The following PRDM5 variants were observed in gnomAD, a reference collection of about 807,000 sequenced individuals.
PRDM5 encodes PR/SET domain 5, also known as PR domain zinc finger protein 5.
A neutral mutation model predicts 81.2 loss-of-function variants in PRDM5; 56 were observed. The ratio of observed to expected loss-of-function variants is 0.69; its 90% confidence interval spans 0.56 to 0.86. PRDM5 has a LOEUF of 0.86. Among genes scored for constraint, PRDM5 ranks in the 40% least tolerant of loss-of-function variants. PRDM5 has a pLI of 0.00. For missense variants in PRDM5, 697 were observed against 770.1 expected (o/e 0.91, Z 1.12); for synonymous variants, 267 against 256.4 (o/e 1.04, Z -0.39).
At chr4:120,835,859 A>G (rs1757295315) in intron 3 of PRDM5, among the ~76,000 whole-genome samples, 1 of 152,212 alleles carries the variant, frequency 6.6e-6, no homozygotes, top group Admixed American at 6.5e-5. Context: ...TGGTTTCAGG[A>G]AGCCAAAGAA....
intron 4 of PRDM5, among the ~76,000 whole-genome samples, chr4:120,819,539 TA>T (rs1023031794): frequency 6.6e-6 from 1 of 151,964 alleles, no homozygotes; most frequent in African/African-American, 2.4e-5. Context: ...AATAAAATTT[TA>T]AAAAAACCAA....
rs144206579 is a variant in PRDM5 at position 120,881,324 on chromosome 4, G to A, written c.177+26150C>T. Among the ~76,000 whole-genome samples, 9 of 152,130 alleles carry A rather than the reference G, an allele frequency of 5.9e-5. No individual in the cohort carries two copies. The East Asian group carries it at 1.7e-3, about 29-fold the overall frequency. ...ACTCAATCATAGAGTATTGGCAAACGGCACAAATCCATTAAATTCCTTGTC... is the reference window on the plus strand; with the variant it reads ...ACTCAATCATAGAGTATTGGCAAACAGCACAAATCCATTAAATTCCTTGTC... On this transcript the variant is annotated intron_variant, in intron 2 of 15. Coordinates refer to ENST00000264808, the MANE Select transcript of PRDM5 (RefSeq NM_018699.4).
intron 2 of PRDM5, among the ~76,000 whole-genome samples, chr4:120,893,041 G>A (rs554284795): frequency 6.6e-6 from 1 of 152,330 alleles, no homozygotes; most frequent in African/African-American, 2.4e-5. Context: ...AGTGCCAGTG[G>A]TGGTCTGCTC....
intron 3 of PRDM5, chr4:120,839,067 A>G: frequency 1.7e-6 from 1 of 577,136 alleles, no homozygotes; most frequent in Non-Finnish European, 3.1e-6. Flanking sequence ...AGTGGCATCC[A>G]GAAGCTCGGA....
intron 2 of PRDM5, among the ~76,000 whole-genome samples, chr4:120,889,698 T>C (rs1005731916): frequency 9.2e-5 from 14 of 152,174 alleles, no homozygotes; most frequent in Admixed American, 2.6e-4. Flanking sequence ...AAGCATAGTA[T>C]ACAATAGTTT....
At chr4:120,810,689 A>G (rs1385544758) in intron 8 of PRDM5, 1 of 152,202 alleles carries the variant, frequency 6.6e-6, no homozygotes. Context: ...CATTTTATAA[A>G]TGGGAGAAGA....
intron 3 of PRDM5, 67 bp downstream of exon 3, chr4:120,853,351 G>GTGTA (rs1161941480): frequency 6.2e-6 from 10 of 1,605,442 alleles, no homozygotes; most frequent in Non-Finnish European, 7.7e-6. Flanking sequence ...AAAACAGGGA[G>GTGTA]TACAGTCATA....
intron 1 of PRDM5, among the ~76,000 whole-genome samples, chr4:120,909,557 A>T (rs1766244337): frequency 2.0e-5 from 3 of 152,126 alleles, no homozygotes; most frequent in Non-Finnish European, 4.4e-5. Context: ...ATCTAAGTAC[A>T]CACTTTCCAA....
At chr4:120,823,809 A>G (rs1468966145) in intron 3 of PRDM5, among the ~76,000 whole-genome samples, 1 of 152,212 alleles carries the variant, frequency 6.6e-6, no homozygotes, top group Non-Finnish European at 1.5e-5. Flanking sequence ...CACAAACCTC[A>G]TGTTGAAATG....
At chr4:120,788,300 G>A (rs1408192905) in intron 10 of PRDM5, among the ~76,000 whole-genome samples, 3 of 152,066 alleles carry the variant, frequency 2.0e-5, no homozygotes, top group African/African-American at 7.2e-5. Flanking sequence ...TACTTTAGGT[G>A]ACAAAAGCAG....
chr4:120,776,070 T>G (rs1748113585), intron 13 of PRDM5, among the ~76,000 whole-genome samples: 1 of 152,184 alleles, frequency 6.6e-6, no homozygotes, highest in South Asian at 2.1e-4. Context: ...TGGGGCTCTC[T>G]GCTTCTGCAA....
At chr4:120,816,363 C>A in intron 7 of PRDM5, 90 bp downstream of exon 7, 2 of 1,603,776 alleles carry the variant, frequency 1.2e-6, no homozygotes, top group Non-Finnish European at 1.7e-6. Flanking sequence ...GAAAAGCCAG[C>A]TCTCTCCTCA....
intron 2 of PRDM5, among the ~76,000 whole-genome samples, chr4:120,867,477 T>C (rs1761317901): frequency 6.6e-6 from 1 of 152,192 alleles, no homozygotes; most frequent in Non-Finnish European, 1.5e-5. Context: ...CTGAGTACAC[T>C]TTCACCAGTG....
In PRDM5 at chr4:120,695,028, T is replaced by G; in HGVS notation, c.*83A>C. The G allele has an allele frequency of 6.7e-7, 1 of 1,503,108 alleles. No homozygotes were observed. The highest frequency in any genetic ancestry group is 1.1e-5 in the South Asian group (1 of 88,060). 93.1% of individuals were successfully genotyped at this position (1,503,108 alleles called of 1,614,324 possible). ...AGACCAGTAAGTCACTTTTGGCTACTTCTGTTATGCTGATCAGGTGATAAA... is the reference window on the plus strand; with the variant it reads ...AGACCAGTAAGTCACTTTTGGCTACGTCTGTTATGCTGATCAGGTGATAAA... On this transcript the variant is annotated 3_prime_UTR_variant, in exon 16 of 16. Transcript: ENST00000264808.
intron 2 of PRDM5, among the ~76,000 whole-genome samples, chr4:120,891,063 A>G (rs1277960102): frequency 6.6e-6 from 1 of 152,190 alleles, no homozygotes; most frequent in Admixed American, 6.5e-5. Context: ...TATGTCCAGA[A>G]TGAAATTTCC....
chr4:120,736,081 C>T (rs1172024243), intron 14 of PRDM5, among the ~76,000 whole-genome samples: 1 of 151,852 alleles, frequency 6.6e-6, no homozygotes, highest in African/African-American at 2.4e-5. Flanking sequence ...TAAGTGAGAA[C>T]ATGTGATGTC....
intron 14 of PRDM5, among the ~76,000 whole-genome samples, chr4:120,735,281 C>T (rs914420076): frequency 1.3e-5 from 2 of 152,206 alleles, no homozygotes; most frequent in South Asian, 2.1e-4. Context: ...TTTATTCCTA[C>T]TGTTCAGAAT....
At chr4:120,751,248 G>C (rs1743961049) in intron 14 of PRDM5, among the ~76,000 whole-genome samples, 1 of 152,052 alleles carries the variant, frequency 6.6e-6, no homozygotes, top group South Asian at 2.1e-4. Flanking sequence ...GAAAATGCTA[G>C]AGATGAAAAA....
At chr4:120,832,011 CAG>C (rs1394850337) in intron 3 of PRDM5, among the ~76,000 whole-genome samples, 1 of 152,104 alleles carries the variant, frequency 6.6e-6, no homozygotes, top group Non-Finnish European at 1.5e-5. Flanking sequence ...CTGGTCCTAT[CAG>C]AGTCTTTTCC....
Sources: gnomAD v4.1 joint callset for allele counts (sites outside exome capture counted in the v4.1 genomes callset) on GRCh38, gnomAD v4.1.1 for gene constraint, MANE v1.5 for transcripts, NCBI Gene and HGNC (gene_info 2026-07-23, HGNC 2026-07-21) for gene names.